The following IL1RAPL1 variants were observed in gnomAD, a reference collection of about 807,000 sequenced individuals.
IL1RAPL1 encodes interleukin-1 receptor accessory protein-like 1.
IL1RAPL1 carries 3 observed loss-of-function variants against 48.4 expected under a neutral mutation model. The observed-to-expected ratio is 0.06, with a 90% CI of 0.03 to 0.16. The LOEUF (loss-of-function observed/expected upper bound fraction) is 0.16, where lower values mean the gene tolerates loss of function less well. Ranked by LOEUF, IL1RAPL1 falls within the 10% of genes least tolerant of loss-of-function variation. IL1RAPL1 has a pLI of 1.00. For synonymous variants in IL1RAPL1, 185 were observed against 187.7 expected, an observed-to-expected ratio of 0.99 and a Z score of 0.12; for missense variants, 349 against 530.6, an observed-to-expected ratio of 0.66 and a Z score of 3.36.
At position 28,653,147 on chromosome X, in the gene IL1RAPL1, A is replaced by G. The variant is rs146468961; in HGVS notation, c.-25+65100A>G. Among the ~76,000 whole-genome samples, 168 of 111,930 alleles carry G rather than the reference A, an allele frequency of 1.5e-3. 3 individuals carry two copies. In the East Asian group the frequency reaches 0.034, roughly 22 times the overall value. ...TATTTTTCAATACAACATAATAAAG[A>G]TTGGAGAATATTTTAACTCCACCTT... On this transcript the variant is annotated intron_variant, in intron 1 of 10. Coordinates refer to ENST00000378993, the MANE Select transcript of IL1RAPL1 (RefSeq NM_014271.4).
At chrX:29,355,816 CAGA>C (rs1480119935) in intron 3 of IL1RAPL1, among the ~76,000 whole-genome samples, 2 of 111,307 alleles carry the variant, frequency 1.8e-5, no homozygotes, top group Admixed American at 9.6e-5. Flanking sequence ...AAAATATTCA[CAGA>C]AGAAGTTGAA....
At chrX:29,115,652 G>A (rs1483417249) in intron 2 of IL1RAPL1, among the ~76,000 whole-genome samples, 1 of 109,130 alleles carries the variant, frequency 9.2e-6, no homozygotes, top group Non-Finnish European at 1.9e-5. Flanking sequence ...TCTATTGCTG[G>A]ATTTAAAAAA....
chrX:29,764,851 A>G (rs1446345210), intron 6 of IL1RAPL1, among the ~76,000 whole-genome samples: 1 of 111,800 alleles, frequency 8.9e-6, no homozygotes, highest in Non-Finnish European at 1.9e-5. Flanking sequence ...GTTTTCTACC[A>G]TGAATTTGCT....
intron 2 of IL1RAPL1, among the ~76,000 whole-genome samples, chrX:29,251,293 G>A (rs895714898): frequency 1.8e-5 from 2 of 111,125 alleles, no homozygotes; most frequent in South Asian, 3.7e-4. Context: ...AGTGTATTTC[G>A]TGTTTAAGGC....
intron 1 of IL1RAPL1, among the ~76,000 whole-genome samples, chrX:28,625,360 A>T (rs939733476): frequency 2.7e-5 from 3 of 111,983 alleles, no homozygotes; most frequent in Non-Finnish European, 5.6e-5. Flanking sequence ...GGGCCCACAC[A>T]GAGTAGAGAG....
intron 5 of IL1RAPL1, among the ~76,000 whole-genome samples, chrX:29,543,248 A>G (rs936275627): frequency 1.7e-4 from 19 of 109,567 alleles, no homozygotes; most frequent in African/African-American, 6.3e-4. Context: ...TCTCTTCTCC[A>G]TTGCATTCTT....
At chrX:28,660,051 C>T (rs1014764106) in intron 1 of IL1RAPL1, among the ~76,000 whole-genome samples, 2 of 106,403 alleles carry the variant, frequency 1.9e-5, no homozygotes, top group African/African-American at 3.4e-5. Context: ...TGTGATAAAC[C>T]GCTCCAGATT....
At chrX:28,688,743 C>T (rs1311403041) in intron 1 of IL1RAPL1, among the ~76,000 whole-genome samples, 4 of 111,138 alleles carry the variant, frequency 3.6e-5, no homozygotes, top group Admixed American at 1.9e-4. Context: ...TTATTTGGTT[C>T]GTGCATGGAA....
At chrX:28,987,507 TAC>T (rs754998998) in intron 2 of IL1RAPL1, among the ~76,000 whole-genome samples, 2 of 110,907 alleles carry the variant, frequency 1.8e-5, no homozygotes, top group Non-Finnish European at 3.8e-5. Context: ...CACATATTTA[TAC>T]ACACACACAC....
At chrX:29,666,534 T>G (rs753216858) in intron 5 of IL1RAPL1, among the ~76,000 whole-genome samples, 61 of 107,985 alleles carry the variant, frequency 5.6e-4, no homozygotes, top group Admixed American at 1.7e-3. Flanking sequence ...AAGAATTCCT[T>G]TACTAACATC....
chrX:28,760,046 A>AT (rs1936150805), intron 1 of IL1RAPL1, among the ~76,000 whole-genome samples: 1 of 111,927 alleles, frequency 8.9e-6, no homozygotes, highest in African/African-American at 3.2e-5. Flanking sequence ...AAAGTTTTTA[A>AT]TTTTTTAAAT....
intron 2 of IL1RAPL1, among the ~76,000 whole-genome samples, chrX:29,043,912 C>T (rs909667980): frequency 2.7e-5 from 3 of 111,716 alleles, no homozygotes; most frequent in East Asian, 2.8e-4. Context: ...AGCTGATACT[C>T]ATCTCAGGGG....
In IL1RAPL1 at chrX:29,770,584, G is replaced by T. The variant is rs150863387; in HGVS notation, c.778+102080G>T. Reference sequence around the variant, plus strand: ...TTGTTCTCCATATTGTACAGATGAGGAAATAAAGGCACATAGAGGCTTAGT... The same window carrying T: ...TTGTTCTCCATATTGTACAGATGAGTAAATAAAGGCACATAGAGGCTTAGT... On this transcript the variant is annotated intron_variant, in intron 6 of 10. Coordinates refer to ENST00000378993, the MANE Select transcript of IL1RAPL1 (RefSeq NM_014271.4). Among the ~76,000 whole-genome samples the T allele has an allele frequency of 4.0e-3, 446 of 111,927 alleles. 1 individual carries two copies. Among genetic ancestry groups the T allele is most frequent in the Middle Eastern group, 0.014 (3 of 216 alleles).
chrX:29,783,131 C>T (rs75570924), intron 6 of IL1RAPL1, among the ~76,000 whole-genome samples: 18 of 109,027 alleles, frequency 1.7e-4, no homozygotes, highest in Non-Finnish European at 2.5e-4. Context: ...GTCTCGATCT[C>T]CTGACCTCGT....
intron 2 of IL1RAPL1, among the ~76,000 whole-genome samples, chrX:28,815,826 T>A (rs1601915249): frequency 1.4e-5 from 1 of 71,692 alleles, no homozygotes; most frequent in African/African-American, 5.4e-5. Flanking sequence ...ATTGTGTATG[T>A]ATGTGTGTTT....
intron 2 of IL1RAPL1, among the ~76,000 whole-genome samples, chrX:29,230,504 C>CAAAAAAAAAAAAACAAA (rs1931170728): frequency 6.0e-5 from 1 of 16,589 alleles, no homozygotes; most frequent in African/African-American, 2.9e-4. Context: ...GTCCCTTTAC[C>CAAAAAAAAAAAAACAAA]AAAAAAAAAA....
At chrX:28,781,099 C>T (rs1226264956) in intron 1 of IL1RAPL1, among the ~76,000 whole-genome samples, 1 of 110,023 alleles carries the variant, frequency 9.1e-6, no homozygotes. Context: ...TTACCAAAAA[C>T]TTAGCAGCTT....
At chrX:29,177,446 C>T (rs948173329) in intron 2 of IL1RAPL1, among the ~76,000 whole-genome samples, 2 of 111,881 alleles carry the variant, frequency 1.8e-5, no homozygotes, top group African/African-American at 3.2e-5. Flanking sequence ...GCACAAAATG[C>T]TTCTGTTCTT....
chrX:29,529,714 T>C (rs1006779204), intron 5 of IL1RAPL1, among the ~76,000 whole-genome samples: 18 of 110,754 alleles, frequency 1.6e-4, no homozygotes, highest in Non-Finnish European at 1.7e-4. Flanking sequence ...TATCTTTTGT[T>C]CTTAGGAAAT....
Sources: allele counts gnomAD v4.1 joint callset (sites outside exome capture counted in the v4.1 genomes callset), GRCh38; gene constraint gnomAD v4.1.1; transcripts MANE v1.5; gene names NCBI Gene and HGNC (gene_info 2026-07-23, HGNC 2026-07-21).